ASAP1: variants seen among roughly 807,000 people sequenced by gnomAD.
ASAP1 encodes ArfGAP with SH3 domain, ankyrin repeat and PH domain 1, also known as arf-GAP with SH3 domain, ANK repeat and PH domain-containing protein 1.
Under a neutral mutation model 145.2 loss-of-function variants are expected in ASAP1, and 43 were observed. The ratio of observed to expected loss-of-function variants is 0.30; its 90% CI spans 0.23 to 0.38. The LOEUF is 0.38. ASAP1 is among the 10% of genes least tolerant of loss of function. The probability of loss-of-function intolerance (pLI) is 1.00; values close to 1 mark genes in which losing one functional copy is unlikely to be tolerated. For missense variants in ASAP1, 1,018 were observed against 1,355.3 expected, an observed-to-expected ratio of 0.75 and a Z score of 3.91; for synonymous variants, 546 against 515.5, an observed-to-expected ratio of 1.06 and a Z score of -0.80.
intron 29 of ASAP1, among the ~76,000 whole-genome samples, chr8:130,055,699 A>T (rs779419900): frequency 1.3e-5 from 2 of 152,194 alleles, no homozygotes; most frequent in East Asian, 1.9e-4. Context: ...AATTACCTCA[A>T]TTAGATTAGT....
At chr8:130,402,386 G>C (rs11992957) in intron 1 of ASAP1, among the ~76,000 whole-genome samples, 49,210 of 152,080 alleles carry the variant, frequency 0.32, 8,749 homozygotes, top group African/African-American at 0.46. Flanking sequence ...GAAACCAGTT[G>C]CAGGAAGAAG....
At chr8:130,312,122 A>T (rs1282241820) in intron 3 of ASAP1, among the ~76,000 whole-genome samples, 1 of 152,038 alleles carries the variant, frequency 6.6e-6, no homozygotes, top group Non-Finnish European at 1.5e-5. Context: ...CAAAAAAAAT[A>T]CAAAAATTAG....
At chr8:130,302,702 C>T (rs1195696315) in intron 3 of ASAP1, among the ~76,000 whole-genome samples, 1 of 152,176 alleles carries the variant, frequency 6.6e-6, no homozygotes, top group African/African-American at 2.4e-5. Flanking sequence ...GTTTCATTAG[C>T]TTCATTAAAC....
At chr8:130,424,510 G>A (rs566819213) in intron 1 of ASAP1, among the ~76,000 whole-genome samples, 10 of 152,254 alleles carry the variant, frequency 6.6e-5, no homozygotes, top group East Asian at 1.9e-4. Context: ...TAGGCTCAGC[G>A]TTTGTTTTTG....
intron 1 of ASAP1, among the ~76,000 whole-genome samples, chr8:130,421,741 C>A (rs993244362): frequency 6.6e-6 from 1 of 152,186 alleles, no homozygotes; most frequent in Non-Finnish European, 1.5e-5. Context: ...AAAAACATTT[C>A]TTGTGTTTGA....
chr8:130,180,842 T>A lies in ASAP1; in HGVS notation c.569A>T (p.Gln190Leu). The A allele has an allele frequency of 4.3e-6, 7 of 1,613,518 alleles. No individual in the cohort carries two copies. Among genetic ancestry groups the A allele is most frequent in the Non-Finnish European group, 5.9e-6 (7 of 1,179,806 alleles). ...TATCTCTGTGCGGATCATCCCATGT[T>A]GTTTTGCGTGCTCTCTTTTCTCTTT... is the stretch of plus-strand genomic sequence containing the variant. The part of the protein sequence containing the change: ...IEKEKREHAK[Q>L]HGMIRTEITG... Residue 190 changes from glutamine (Q) to leucine (L), a missense_variant, in exon 8 of 30, where the codon CAA becomes CTA. Gln to Leu is a moderately radical substitution (Grantham distance 113). Coordinates refer to ENST00000518721, the MANE Select transcript of ASAP1 (RefSeq NM_018482.4).
At chr8:130,176,782 C>G (rs984089906) in intron 9 of ASAP1, among the ~76,000 whole-genome samples, 1 of 151,792 alleles carries the variant, frequency 6.6e-6, no homozygotes, top group Non-Finnish European at 1.5e-5. Context: ...CCTCTGCCTC[C>G]TGGATTCAAG....
rs1464492047 is a variant in ASAP1, at chr8:130,335,968, T to TCC, written c.186+22048_186+22049insGG. Among the ~76,000 whole-genome samples, 21 of 152,300 alleles carry TCC rather than the reference T, an allele frequency of 1.4e-4. No individual in the cohort carries two copies. In the South Asian group the frequency reaches 4.4e-3, roughly 32 times the overall value. Reference sequence around the variant, plus strand: ...GCAACTTAATGGTTATGAAGTATGATTACTGGGAAATGAAATTTCCAAGTG... The same window carrying TCC: ...GCAACTTAATGGTTATGAAGTATGATCCTACTGGGAAATGAAATTTCCAAGTG... On this transcript the variant is annotated intron_variant, in intron 3 of 29. Transcript: ENST00000518721.
intron 3 of ASAP1, among the ~76,000 whole-genome samples, chr8:130,297,042 G>A (rs1001815501): frequency 2.0e-5 from 3 of 152,162 alleles, no homozygotes; most frequent in Non-Finnish European, 2.9e-5. Context: ...TGATACCAGG[G>A]CAACTGATGG....
chr8:130,156,047 T>C (rs1460324969), intron 12 of ASAP1, among the ~76,000 whole-genome samples: 1 of 152,254 alleles, frequency 6.6e-6, no homozygotes, highest in Non-Finnish European at 1.5e-5. Flanking sequence ...ATGCCCACTT[T>C]CGTACATATA....
intron 24 of ASAP1, among the ~76,000 whole-genome samples, chr8:130,094,175 A>T (rs1188796070): frequency 6.6e-6 from 1 of 152,128 alleles, no homozygotes; most frequent in East Asian, 1.9e-4. Flanking sequence ...ATGTGTTTAT[A>T]TATGCTATTC....
chr8:130,318,061 T>C (rs1407615826), intron 3 of ASAP1, among the ~76,000 whole-genome samples: 2 of 152,206 alleles, frequency 1.3e-5, no homozygotes, highest in Non-Finnish European at 2.9e-5. Flanking sequence ...GGAATAGCAC[T>C]TGTTTGATGG....
chr8:130,291,139 C>A (rs1356997975), intron 3 of ASAP1, among the ~76,000 whole-genome samples: 1 of 151,988 alleles, frequency 6.6e-6, no homozygotes, highest in African/African-American at 2.4e-5. Flanking sequence ...ACCCCTCCAG[C>A]CAAAAAATGA....
intron 1 of ASAP1, among the ~76,000 whole-genome samples, chr8:130,406,574 C>G (rs1349963278): frequency 1.3e-5 from 2 of 151,856 alleles, no homozygotes; most frequent in Admixed American, 1.3e-4. Context: ...CTCCGTCACC[C>G]AGGTTCAAGC....
intron 3 of ASAP1, among the ~76,000 whole-genome samples, chr8:130,303,972 A>G (rs1029124568): frequency 2.6e-5 from 4 of 152,200 alleles, no homozygotes; most frequent in African/African-American, 9.6e-5. Flanking sequence ...ATTATTATTA[A>G]CTAATGTAAG....
chr8:130,211,920 A>G (rs773912292), intron 5 of ASAP1, among the ~76,000 whole-genome samples: 52 of 152,142 alleles, frequency 3.4e-4, no homozygotes, highest in Non-Finnish European at 6.9e-4. Context: ...TCTGAGAAGT[A>G]TGGGTTCCCA....
At chr8:130,078,487 T>G (rs545602664) in intron 26 of ASAP1, among the ~76,000 whole-genome samples, 1 of 152,002 alleles carries the variant, frequency 6.6e-6, no homozygotes. Context: ...GGTCTTGCTA[T>G]GTTGCCCAGG....
At chr8:130,106,732 T>C (rs2097537367) in intron 24 of ASAP1, among the ~76,000 whole-genome samples, 1 of 152,230 alleles carries the variant, frequency 6.6e-6, no homozygotes. Flanking sequence ...TTCACAGCCC[T>C]TATCCTTGAG....
intron 24 of ASAP1, among the ~76,000 whole-genome samples, chr8:130,098,124 T>C (rs1275939169): frequency 6.6e-6 from 1 of 152,118 alleles, no homozygotes; most frequent in Non-Finnish European, 1.5e-5. Flanking sequence ...CATTATCCAT[T>C]TGAAGGATAA....
Sources: gnomAD v4.1 joint callset for allele counts (sites outside exome capture counted in the v4.1 genomes callset) on GRCh38, gnomAD v4.1.1 for gene constraint, MANE v1.5 for transcripts, NCBI Gene and HGNC (gene_info 2026-07-23, HGNC 2026-07-21) for gene names.